SLC7A14: variants seen among roughly 807,000 people sequenced by gnomAD.
SLC7A14 encodes the protein gamma-aminobutyric acid transporter SLC7A14.
Under a neutral mutation model 60.2 loss-of-function variants are expected in SLC7A14, and 37 were observed. The observed-to-expected ratio is 0.61, with a 90% CI of 0.47 to 0.81. SLC7A14 has a LOEUF of 0.81. Ranked by LOEUF, SLC7A14 falls within the 30% of genes least tolerant of loss-of-function variation. SLC7A14 has a pLI of 0.00. For synonymous variants in SLC7A14, 399 were observed against 395.8 expected, an observed-to-expected ratio of 1.01 and a Z score of -0.10; for missense variants, 886 against 982.7, an observed-to-expected ratio of 0.90 and a Z score of 1.32.
At chr3:170,551,747 A>G (rs1259411927) in intron 1 of SLC7A14, among the ~76,000 whole-genome samples, 1 of 152,050 alleles carries the variant, frequency 6.6e-6, no homozygotes, top group East Asian at 1.9e-4. Context: ...TTCTCTTTTT[A>G]TTGTTGAGTC....
intron 6 of SLC7A14, among the ~76,000 whole-genome samples, chr3:170,481,855 T>G (rs1019024826): frequency 3.3e-5 from 5 of 152,212 alleles, no homozygotes; most frequent in Non-Finnish European, 7.3e-5. Context: ...GTCATGGACC[T>G]GCTTGGGGGT....
chr3:170,525,764 GA>G (rs941724723), intron 2 of SLC7A14, among the ~76,000 whole-genome samples: 9 of 152,288 alleles, frequency 5.9e-5, no homozygotes, highest in Non-Finnish European at 1.0e-4. Flanking sequence ...TCTCTGTATT[GA>G]AAAAATAGGC....
intron 2 of SLC7A14, among the ~76,000 whole-genome samples, chr3:170,510,789 GGGT>G (rs1272636333): frequency 2.0e-5 from 3 of 152,136 alleles, no homozygotes; most frequent in Non-Finnish European, 4.4e-5. Flanking sequence ...ATTTTTATGT[GGGT>G]GGCTTCAGGT....
chr3:170,556,061 C>T (rs1263689423), intron 1 of SLC7A14, among the ~76,000 whole-genome samples: 1 of 152,188 alleles, frequency 6.6e-6, no homozygotes, highest in Non-Finnish European at 1.5e-5. Context: ...AAGTTCTGCC[C>T]ATAGTGGGTG....
intron 4 of SLC7A14, among the ~76,000 whole-genome samples, chr3:170,490,610 C>T (rs945126493): frequency 1.3e-5 from 2 of 152,124 alleles, no homozygotes; most frequent in East Asian, 1.9e-4. Context: ...TGTGCAGTAC[C>T]GGCAGTTGGA....
At chr3:170,553,440 A>C (rs1304004057) in intron 1 of SLC7A14, among the ~76,000 whole-genome samples, 1 of 152,234 alleles carries the variant, frequency 6.6e-6, no homozygotes, top group Non-Finnish European at 1.5e-5. Context: ...GGAGTAAGGG[A>C]AACTCCCAGT....
chr3:170,577,587 C>T (rs13080586), intron 1 of SLC7A14, among the ~76,000 whole-genome samples: 48,957 of 143,290 alleles, frequency 0.34, 8,498 homozygotes, highest in East Asian at 0.47. Context: ...CACTGCAGTC[C>T]GCAGTCCGGC....
chr3:170,467,293 T>A lies in SLC7A14; in HGVS notation c.2078A>T (p.Tyr693Phe), dbSNP rs1236450771. ...GGGGTCATCCACGTCGTAGCGTTGGTACGTGCTTTGGTGCAGGGCCTCTTC... is the reference window on the plus strand; with the variant it reads ...GGGGTCATCCACGTCGTAGCGTTGGAACGTGCTTTGGTGCAGGGCCTCTTC... Reference protein sequence around the residue: ...AREEALHQSTYQRYDVDDPFS... With the variant: ...AREEALHQSTFQRYDVDDPFS... The change falls in exon 8 of 8, where the codon TAC (tyrosine) becomes TTC (phenylalanine). Residue 693 changes from tyrosine to phenylalanine, a missense_variant. Physicochemically the swap from Tyr to Phe is conservative, Grantham distance 22 (BLOSUM62 3). Coordinates refer to ENST00000231706, the MANE Select transcript of SLC7A14 (RefSeq NM_020949.3). 1.2e-6 allele frequency: 2 copies of A among 1,614,104 alleles called. No individual in the cohort carries two copies. Among genetic ancestry groups the A allele is most frequent in the East Asian group, 4.5e-5 (2 of 44,892 alleles).
intron 1 of SLC7A14, among the ~76,000 whole-genome samples, chr3:170,563,510 T>A (rs1437335250): frequency 6.7e-6 from 1 of 148,806 alleles, no homozygotes; most frequent in Non-Finnish European, 1.5e-5. Flanking sequence ...CTCTGCCTCC[T>A]GGGTTCAAGC....
chr3:170,480,736 T>G lies in SLC7A14; in HGVS notation c.1546A>C (p.Met516Leu). 1 of 1,614,244 alleles carries G rather than the reference T, an allele frequency of 6.2e-7. No homozygotes were observed. ...VNHPNYGTVDMTTGIEADESE... is the reference protein window; with the variant it reads ...VNHPNYGTVDLTTGIEADESE... ...TCATCAGCTTCTATGCCTGTGGTCA[T>G]GTCCACGGTGCCGTAATTGGGGTGG... is the stretch of plus-strand genomic sequence containing the variant. Residue 516 changes from methionine to leucine, a missense_variant, in exon 7 of 8, where the codon ATG becomes CTG. Coordinates refer to ENST00000231706, the MANE Select transcript of SLC7A14 (RefSeq NM_020949.3).
At chr3:170,468,207 G>A (rs933153131) in intron 7 of SLC7A14, among the ~76,000 whole-genome samples, 9 of 152,054 alleles carry the variant, frequency 5.9e-5, no homozygotes, top group Non-Finnish European at 7.4e-5. Context: ...TGCCCCCCTC[G>A]TTAATATGTA....
chr3:170,496,105 G>C, intron 4 of SLC7A14: 1 of 1,120,188 alleles, frequency 8.9e-7, no homozygotes, highest in Middle Eastern at 2.6e-4. Flanking sequence ...AACTTCCTCA[G>C]GCAACTGCAT....
chr3:170,503,676 C>T (rs907729042), intron 2 of SLC7A14, among the ~76,000 whole-genome samples: 10 of 152,074 alleles, frequency 6.6e-5, no homozygotes, highest in Non-Finnish European at 1.3e-4. Flanking sequence ...AAGCAGGCAT[C>T]GATTTGATTG....
chr3:170,560,297 A>G (rs1173034910), intron 1 of SLC7A14, among the ~76,000 whole-genome samples: 2 of 152,208 alleles, frequency 1.3e-5, no homozygotes, highest in African/African-American at 4.8e-5. Flanking sequence ...GGAAAGAAAG[A>G]AAGAAAAGCC....
chr3:170,549,818 C>G (rs781138893), intron 1 of SLC7A14, among the ~76,000 whole-genome samples: 8 of 152,180 alleles, frequency 5.3e-5, no homozygotes, highest in Non-Finnish European at 1.2e-4. Context: ...AATCACCTCT[C>G]AAACCATGGA....
Position 170,481,063 on chromosome 3 carries a change from G to C in SLC7A14, c.1219C>G (p.Leu407Val). 1 of 1,614,152 alleles carries C rather than the reference G, an allele frequency of 6.2e-7. No individual in the cohort carries two copies. The highest frequency in any genetic ancestry group is 1.1e-5 in the South Asian group (1 of 91,074). Residue 407 changes from leucine to valine, a missense_variant, in exon 7 of 8, where the codon CTG becomes GTG. Leu to Val is a conservative substitution (Grantham distance 32). Coordinates refer to ENST00000231706, the MANE Select transcript of SLC7A14 (RefSeq NM_020949.3). ...GTGCCGATAGACATCATCTCTATCA[G>C]GTCTCTCAAGCTGACCAACAGTGCG... ...LLALLVSLRDLIEMMSIGTLL... is the reference protein window; with the variant it reads ...LLALLVSLRDVIEMMSIGTLL...
rs1168548822 is a variant in SLC7A14 at position 170,496,055 on chromosome 3, A to G, written c.759+2612T>C. 7 of 1,259,886 alleles carry G rather than the reference A, an allele frequency of 5.6e-6. No homozygotes were observed. The South Asian group carries it at 7.3e-5, about 13-fold the overall frequency. 78.0% of individuals were successfully genotyped at this position (1,259,886 alleles called of 1,614,324 possible). ...TGGATGAAGCTTACATGAACAAGGC[A>G]GAGCTGGAGTCTCGCCTGGAAGGGC... On this transcript the variant is annotated intron_variant, in intron 4 of 7. Coordinates refer to ENST00000231706, the MANE Select transcript of SLC7A14 (RefSeq NM_020949.3).
intron 7 of SLC7A14, among the ~76,000 whole-genome samples, chr3:170,477,602 G>A (rs917421889): frequency 6.6e-6 from 1 of 152,202 alleles, no homozygotes; most frequent in Non-Finnish European, 1.5e-5. Context: ...TACGGTATCT[G>A]TACTAGTAGT....
intron 2 of SLC7A14, among the ~76,000 whole-genome samples, chr3:170,503,591 A>T (rs1418368359): frequency 6.6e-6 from 1 of 152,162 alleles, no homozygotes; most frequent in African/African-American, 2.4e-5. Flanking sequence ...CTATGAGCTT[A>T]TTCTCATCAC....
Sources: allele counts gnomAD v4.1 joint callset (sites outside exome capture counted in the v4.1 genomes callset), GRCh38; gene constraint gnomAD v4.1.1; transcripts MANE v1.5; gene names NCBI Gene and HGNC (gene_info 2026-07-23, HGNC 2026-07-21).